The following DBN1 variants were observed in gnomAD, a reference collection of about 807,000 sequenced individuals.
DBN1 encodes drebrin.
DBN1 carries 21 observed loss-of-function variants against 83.5 expected under a neutral mutation model. The observed-to-expected ratio is 0.25, with a 90% CI of 0.18 to 0.36. The LOEUF (loss-of-function observed/expected upper bound fraction) is 0.36. DBN1 is among the 10% of genes least tolerant of loss of function. DBN1 has a pLI of 1.00. For missense variants in DBN1, 874 were observed against 935.7 expected, an observed-to-expected ratio of 0.93 and a Z score of 0.86; for synonymous variants, 381 against 384.9, an observed-to-expected ratio of 0.99 and a Z score of 0.12.
intron 11 of DBN1, 100 bp downstream of exon 11, chr5:177,459,503 A>G: frequency 2.3e-6 from 3 of 1,326,614 alleles, no homozygotes; most frequent in Non-Finnish European, 3.0e-6. Flanking sequence ...GGGGGCAAAC[A>G]CCAGAGATCA....
At chr5:177,464,243 C>T (rs998152874) in intron 8 of DBN1, among the ~76,000 whole-genome samples, 4 of 148,884 alleles carry the variant, frequency 2.7e-5, no homozygotes, top group African/African-American at 5.0e-5. Flanking sequence ...GTCAGGAGTT[C>T]GAGACCAGCC....
rs1007432335 is a variant in DBN1, at chr5:177,456,836, G to A, written c.*597C>T. On this transcript the variant is annotated 3_prime_UTR_variant, in exon 15 of 15. Transcript: ENST00000393565. ...CTCCAACCTGGGACCTGCCCGGCAGGAGACGGGGGGTAGCCGAGGGGCCCC... is the reference window on the plus strand; with the variant it reads ...CTCCAACCTGGGACCTGCCCGGCAGAAGACGGGGGGTAGCCGAGGGGCCCC... 2 of 153,398 alleles carry A rather than the reference G, an allele frequency of 1.3e-5. No individual in the cohort carries two copies. The highest frequency in any genetic ancestry group is 2.9e-5 in the Non-Finnish European group (2 of 68,492). The allele number at this position is 153,398 out of a possible 1,614,324, so 9.5% of individuals were successfully genotyped here. A position where few individuals can be genotyped will look rare whatever the true frequency, so the allele number is the denominator to read the frequency against.
Position 177,458,551 on chromosome 5 carries a change from T to C in DBN1, c.1421A>G (p.Glu474Gly), listed in dbSNP as rs1179179004. 2 of 1,614,152 alleles carry C rather than the reference T, an allele frequency of 1.2e-6. No individual in the cohort carries two copies. Among genetic ancestry groups the C allele is most frequent in the East Asian group, 2.2e-5 (1 of 44,882 alleles). ...AEDLMFMESA[E>G]QAVLAAPVEP... is the part of the protein sequence containing the mutation. ...CACGGGAGCAGCCAGGACAGCCTGC[T>C]CTGCAGACTCCATGAACATCAAGTC... The change falls in exon 13 of 15, where the codon GAG (glutamate) becomes GGG (glycine). Residue 474 changes from glutamate (E) to glycine (G), a missense_variant. Physicochemically the swap from Glu to Gly is moderately conservative, Grantham distance 98. Around this residue, in one of 4 missense-constraint regions of DBN1, gnomAD observed 725 missense variants for 719.7 expected, o/e 1.01. Coordinates refer to ENST00000393565, the MANE Select transcript of DBN1 (RefSeq NM_001363541.2).
At chr5:177,472,407 G>A (rs1489191437) in intron 1 of DBN1, 11 of 1,435,186 alleles carry the variant, frequency 7.7e-6, no homozygotes, top group Non-Finnish European at 9.9e-6. Context: ...CCTAGAAGAA[G>A]AGTATTACGG....
rs1756522573 is a variant in DBN1, at chr5:177,456,764, A to C, written c.*669T>G. ...GAAGGAGTTGGGGAGGGGCCACCAA[A>C]GCCCCTGGGCCCCATCCATAGCCCT... On this transcript the variant is annotated 3_prime_UTR_variant, in exon 15 of 15. Coordinates refer to ENST00000393565, the MANE Select transcript of DBN1 (RefSeq NM_001363541.2). 6.6e-6 allele frequency: 1 copy of C among 151,770 alleles called. No homozygotes were observed. Among genetic ancestry groups the C allele is most frequent in the African/African-American group, 2.4e-5 (1 of 41,140 alleles). The allele number at this position is 151,770 out of a possible 1,614,324, so 9.4% of individuals were successfully genotyped here. A position where few individuals can be genotyped will look rare whatever the true frequency, so the allele number is the denominator to read the frequency against.
chr5:177,460,293 G>A (rs1437208722), intron 10 of DBN1, 139 bp downstream of exon 10: 2 of 1,275,444 alleles, frequency 1.6e-6, no homozygotes, highest in Non-Finnish European at 2.2e-6. Context: ...GGAAGTGGTG[G>A]GCGGATGCAC....
rs373934725 is a variant in DBN1, at chr5:177,457,780, A to C, written c.1915-23T>G. The C allele has an allele frequency of 1.3e-5, 19 of 1,481,554 alleles. No homozygotes were observed. The African/African-American group carries it at 1.7e-4, about 13-fold the overall frequency. The allele number at this position is 1,481,554 out of a possible 1,614,324, so 91.8% of individuals were successfully genotyped here. A position where few individuals can be genotyped will look rare whatever the true frequency, so the allele number is the denominator to read the frequency against. On this transcript the variant is annotated intron_variant, in intron 13 of 14. Transcript: ENST00000393565. The stretch of plus-strand genomic sequence containing the variant: ...GGCCTGCAGGGGAAAGCATCAGGTC[A>C]CTTGGCCCCACCCAGCAGGACTGGG...
chr5:177,469,318 C>T (rs1336839206), intron 1 of DBN1, among the ~76,000 whole-genome samples: 3 of 151,972 alleles, frequency 2.0e-5, no homozygotes, highest in Non-Finnish European at 4.4e-5. Context: ...CGCTGCCCCT[C>T]CCCCGGGGAG....
Position 177,458,409 on chromosome 5 carries a change from G to T in DBN1, c.1563C>A (p.Leu521=). The part of the protein sequence containing the change: ...ANNVPPAATS[L]IDLWPGNGEG... ...CCCCGTTGCCAGGCCATAGGTCAAT[G>T]AGGCTGGTGGCGGCGGGGGGTACGT... The change falls in exon 13 of 15, where the codon CTC becomes CTA. Residue 521 remains leucine, a synonymous_variant. Coordinates refer to ENST00000393565, the MANE Select transcript of DBN1 (RefSeq NM_001363541.2). 1 of 1,614,196 alleles carries T rather than the reference G, an allele frequency of 6.2e-7. No homozygotes were observed. Among genetic ancestry groups the T allele is most frequent in the Non-Finnish European group, 8.5e-7 (1 of 1,179,996 alleles).
At position 177,472,092 on chromosome 5, in the gene DBN1, C is replaced by G. The variant is rs1024391137; in HGVS notation, c.86+1344G>C. 1.9e-6 allele frequency: 3 copies of G among 1,593,588 alleles called. No individual in the cohort carries two copies. The African/African-American group carries it at 4.1e-5, about 22-fold the overall frequency. On this transcript the variant is annotated intron_variant, in intron 1 of 14. Coordinates refer to ENST00000393565, the MANE Select transcript of DBN1 (RefSeq NM_001363541.2). ...ATGGGTGGGCCGCCTGCCTGCTGAG[C>G]CTGTGCCGGCCTCTCCTGTGACTGA...
intron 2 of DBN1, 125 bp downstream of exon 2, chr5:177,468,719 G>A (rs1757639754): frequency 1.8e-6 from 1 of 567,868 alleles, no homozygotes; most frequent in East Asian, 3.0e-5. Context: ...ACACCCGCCA[G>A]ATCCAGACAA....
intron 8 of DBN1, among the ~76,000 whole-genome samples, chr5:177,464,747 T>C (rs995080818): frequency 1.3e-5 from 2 of 151,078 alleles, no homozygotes; most frequent in Middle Eastern, 3.4e-3. Flanking sequence ...CAAGATCAGC[T>C]TGGCCAACAT....
At chr5:177,468,815 G>T in intron 2 of DBN1, 29 bp downstream of exon 2, 1 of 1,317,600 alleles carries the variant, frequency 7.6e-7, no homozygotes, top group Non-Finnish European at 9.8e-7. Flanking sequence ...GGGTGGAGAA[G>T]GCGGCGAGGG....
At position 177,466,258 on chromosome 5, in the gene DBN1, G is replaced by A. The variant is rs1757434133; in HGVS notation, c.771+514C>T. 6.6e-6 allele frequency among the ~76,000 whole-genome samples: 1 copy of A among 152,238 alleles called. No homozygotes were observed. Among genetic ancestry groups the A allele is most frequent in the Admixed American group, 6.5e-5 (1 of 15,280 alleles). ...CAAAGCATGGAGATGTGACTCTGCTGTGATTCTCAGGGACCAATCCACAGG... is the reference window on the plus strand; with the variant it reads ...CAAAGCATGGAGATGTGACTCTGCTATGATTCTCAGGGACCAATCCACAGG... On this transcript the variant is annotated intron_variant, in intron 8 of 14. Transcript: ENST00000393565. The surrounding 1 kb of genome is among the most constrained non-coding windows in gnomAD (Gnocchi z 4.8).
At chr5:177,473,325 A>C in intron 1 of DBN1, 111 bp downstream of exon 1, 7 of 565,748 alleles carry the variant, frequency 1.2e-5, no homozygotes, top group Middle Eastern at 5.6e-4. Context: ...CCGCTGCACC[A>C]TTTCGGGGTC....
At chr5:177,465,625 G>C (rs1415578495) in intron 8 of DBN1, among the ~76,000 whole-genome samples, 1 of 152,138 alleles carries the variant, frequency 6.6e-6, no homozygotes, top group African/African-American at 2.4e-5. Context: ...GGAGGCCGAG[G>C]CGGGCAGATC....
chr5:177,461,053 G>C (rs886361521), intron 8 of DBN1, among the ~76,000 whole-genome samples: 1 of 149,214 alleles, frequency 6.7e-6, no homozygotes, highest in Non-Finnish European at 1.5e-5. Context: ...TGTTGGGATG[G>C]ATTACAGTCA....
At position 177,467,070 on chromosome 5, in the gene DBN1, C is replaced by G. The variant is rs778369723; in HGVS notation, c.556-8G>C. The G allele has an allele frequency of 1.2e-6, 2 of 1,613,656 alleles. No homozygotes were observed. Among genetic ancestry groups the G allele is most frequent in the Admixed American group, 3.3e-5 (2 of 60,030 alleles). On this transcript the variant is annotated splice_region_variant and splice_polypyrimidine_tract_variant and intron_variant, in intron 6 of 14. Transcript: ENST00000393565. This position sits in a 1 kb window ranked among gnomAD's most constrained non-coding sequence, Gnocchi z 9.1. Reference sequence around the variant, plus strand: ...CCGCAGCTCTTCTTCCTTCTGCAAGCCCCGGTGCGAACAAGGGTAGGCCCC... The same window carrying G: ...CCGCAGCTCTTCTTCCTTCTGCAAGGCCCGGTGCGAACAAGGGTAGGCCCC...
At chr5:177,460,282 G>A (rs1756921543) in intron 10 of DBN1, 150 bp downstream of exon 10, 1 of 1,176,754 alleles carries the variant, frequency 8.5e-7, no homozygotes, top group Admixed American at 1.9e-5. Flanking sequence ...CCTGCCACCT[G>A]GGAAGTGGTG....
Sources: allele counts gnomAD v4.1 joint callset (sites outside exome capture counted in the v4.1 genomes callset), GRCh38; gene constraint gnomAD v4.1.1; regional missense constraint gnomAD v4.1.1; non-coding constraint Gnocchi (gnomAD v3.1); transcripts MANE v1.5; gene names NCBI Gene and HGNC (gene_info 2026-07-23, HGNC 2026-07-21).